LIMCH1: variants seen among roughly 807,000 people sequenced by gnomAD.
The protein encoded by LIMCH1 is LIM and calponin homology domains-containing protein 1.
A neutral mutation model predicts 176.5 loss-of-function variants in LIMCH1; 113 were observed. That is an observed-to-expected ratio of 0.64 (90% confidence interval 0.55 to 0.75). The LOEUF is 0.75. Ranked by LOEUF, LIMCH1 falls within the 30% of genes least tolerant of loss-of-function variation. LIMCH1 has a pLI of 0.00. For missense variants in LIMCH1, 1,674 were observed against 1,814.9 expected (o/e 0.92, Z 1.41); for synonymous variants, 619 against 645.9 (o/e 0.96, Z 0.63).
At chr4:41,543,734 T>C (rs2078985253) in intron 1 of LIMCH1, among the ~76,000 whole-genome samples, 1 of 152,130 alleles carries the variant, frequency 6.6e-6, no homozygotes, top group South Asian at 2.1e-4. Context: ...CTTGGCCAGG[T>C]TTCTGTTAAA....
chr4:41,662,761 T>G (rs2094670858), intron 19 of LIMCH1, 60 bp from the exon 20 acceptor site: 3 of 1,566,820 alleles, frequency 1.9e-6, no homozygotes, highest in Non-Finnish European at 2.6e-6. Flanking sequence ...GAATAAATGG[T>G]CCTATAGATA....
At chr4:41,477,792 A>G (rs917637487) in intron 1 of LIMCH1, among the ~76,000 whole-genome samples, 1 of 152,214 alleles carries the variant, frequency 6.6e-6, no homozygotes, top group African/African-American at 2.4e-5. Flanking sequence ...AGAGCCATTC[A>G]AATAACAAAC....
intron 1 of LIMCH1, among the ~76,000 whole-genome samples, chr4:41,426,231 C>T (rs1249213860): frequency 3.3e-5 from 5 of 151,558 alleles, no homozygotes; most frequent in African/African-American, 4.8e-5. Context: ...CCGTTTTAGC[C>T]GGGATGGTCT....
chr4:41,665,225 C>T (rs753675629), intron 20 of LIMCH1, among the ~76,000 whole-genome samples: 2 of 152,082 alleles, frequency 1.3e-5, no homozygotes, highest in Non-Finnish European at 2.9e-5. Context: ...ACAGGCTTAC[C>T]TTTTTACATA....
intron 4 of LIMCH1, chr4:41,609,716 C>T: frequency 2.2e-6 from 1 of 452,384 alleles, no homozygotes; most frequent in Non-Finnish European, 4.4e-6. Flanking sequence ...CATTAACATA[C>T]TTTAACTAGA....
At chr4:41,686,787 T>G (rs1721124960) in intron 28 of LIMCH1, among the ~76,000 whole-genome samples, 1 of 152,224 alleles carries the variant, frequency 6.6e-6, no homozygotes, top group Non-Finnish European at 1.5e-5. Flanking sequence ...GTCTTATTTT[T>G]CTTGTTACAT....
chr4:41,628,306 T>C (rs2093101862), intron 8 of LIMCH1, among the ~76,000 whole-genome samples: 1 of 152,092 alleles, frequency 6.6e-6, no homozygotes, highest in African/African-American at 2.4e-5. Context: ...TAATTTTAAT[T>C]CCTGATATTT....
chr4:41,370,281 G>A (rs1310232515), intron 1 of LIMCH1, among the ~76,000 whole-genome samples: 1 of 152,058 alleles, frequency 6.6e-6, no homozygotes, highest in Non-Finnish European at 1.5e-5. Context: ...CTTAGGATGA[G>A]GGAAAGATAG....
intron 25 of LIMCH1, among the ~76,000 whole-genome samples, chr4:41,682,024 A>C (rs1716406544): frequency 6.6e-6 from 1 of 152,212 alleles, no homozygotes; most frequent in Admixed American, 6.5e-5. Context: ...TCCATAATCC[A>C]CGTAAAGGAA....
rs996528630 is a variant in LIMCH1, at chr4:41,620,518, G to A, written c.553G>A (p.Asp185Asn). The A allele has an allele frequency of 2.4e-5, 37 of 1,536,446 alleles. No individual in the cohort carries two copies. Among genetic ancestry groups the A allele is most frequent in the Admixed American group, 3.9e-5 (2 of 51,008 alleles). ...GQMNPGWKPSDGGCELPDGSG... is the reference protein window; with the variant it reads ...GQMNPGWKPSNGGCELPDGSG... ...AATGAATCCTGGTTGGAAGCCTTCC[G>A]ATGGTGGGTGTGAATTACCTGACGG... The change falls in exon 7 of 32, where the codon GAT becomes AAT. Residue 185 changes from aspartate to asparagine, a missense_variant. Asp to Asn is a conservative substitution (Grantham distance 23, BLOSUM62 1). This residue lies in a region of LIMCH1 where 655 missense variants were observed against 692.2 expected (regional missense o/e 0.95). Coordinates refer to ENST00000503057, the MANE Select transcript of LIMCH1 (RefSeq NM_001330672.2).
In LIMCH1 at chr4:41,689,539, A is replaced by G; in HGVS notation, c.4179A>G (p.Gly1393=). Residue 1393 remains glycine (G), a synonymous_variant, in exon 30 of 32, where the codon GGA becomes GGG. Coordinates refer to ENST00000503057, the MANE Select transcript of LIMCH1 (RefSeq NM_001330672.2). ...PGQSPNRSIS[G]KKLCSSCGLP... is the part of the protein sequence containing the mutation. Reference sequence around the variant, plus strand: ...TTTTTAAACCTAGGTCTATAAGTGGAAAGAAGCTGTGCTCTTCCTGTGGGC... The same window carrying G: ...TTTTTAAACCTAGGTCTATAAGTGGGAAGAAGCTGTGCTCTTCCTGTGGGC... The G allele has an allele frequency of 1.2e-6, 2 of 1,603,110 alleles. No homozygotes were observed. Among genetic ancestry groups the G allele is most frequent in the Non-Finnish European group, 1.7e-6 (2 of 1,170,160 alleles).
At chr4:41,533,806 A>G (rs564339632), upstream of LIMCH1, among the ~76,000 whole-genome samples, 9 of 152,336 alleles carry the variant, frequency 5.9e-5, no homozygotes, top group South Asian at 1.9e-3. Flanking sequence ...AGTGAAGATC[A>G]TGGAGTTAGA....
At chr4:41,511,219 G>C (rs529754221) in intron 2 of LIMCH1, among the ~76,000 whole-genome samples, 49 of 152,298 alleles carry the variant, frequency 3.2e-4, no homozygotes, top group Non-Finnish European at 6.3e-4. Context: ...ATCTATTATT[G>C]TTCCTACAAT....
In LIMCH1 at chr4:41,575,044, C is replaced by CCACA. The variant is rs142796280; in HGVS notation, c.-240-23863_-240-23860dup. Reference sequence around the variant, plus strand: ...CTCCCAATTATGTGAAATCACACACCCACACACACACACACAATTTATTGA... The same window carrying CCACA: ...CTCCCAATTATGTGAAATCACACACCCACACACACACACACACACAATTTATTGA... On this transcript the variant is annotated intron_variant, in intron 1 of 31. Transcript: ENST00000503057. Among the ~76,000 whole-genome samples, 467 of 151,012 alleles carry CCACA rather than the reference C, an allele frequency of 3.1e-3. 6 individuals carry two copies. The South Asian group carries it at 0.035, about 11-fold the overall frequency.
At position 41,377,223 on chromosome 4, in the gene LIMCH1, C is replaced by T. The variant is rs150890742; in HGVS notation, c.96+16287C>T. On this transcript the variant is annotated intron_variant, in intron 1 of 26. Transcript: ENST00000313860. ...TTGGCTCAAGGCTGTGGGTTACGTT[C>T]AAGTCTGTTTCATGTGTCTCCTTTC... is the stretch of plus-strand genomic sequence containing the variant. Among the ~76,000 whole-genome samples, 31 of 152,292 alleles carry T rather than the reference C, an allele frequency of 2.0e-4. No homozygotes were observed. In the East Asian group the frequency reaches 5.0e-3, roughly 25 times the overall value.
chr4:41,440,788 C>T (rs2062623015), intron 1 of LIMCH1, among the ~76,000 whole-genome samples: 1 of 152,186 alleles, frequency 6.6e-6, no homozygotes, highest in Non-Finnish European at 1.5e-5. Flanking sequence ...CTGCCTCTGC[C>T]TCTCCAAAGT....
upstream of LIMCH1, among the ~76,000 whole-genome samples, chr4:41,536,576 T>C (rs2077972237): frequency 6.6e-6 from 1 of 152,224 alleles, no homozygotes. Flanking sequence ...TAATGTTATA[T>C]AGGAATGGTA....
chr4:41,574,374 A>G (rs1437695901), intron 1 of LIMCH1, among the ~76,000 whole-genome samples: 1 of 149,722 alleles, frequency 6.7e-6, no homozygotes, highest in Non-Finnish European at 1.5e-5. Context: ...GCTCACTGCA[A>G]GCTCCACCTC....
At chr4:41,399,872 TG>T (rs2058214649) in intron 1 of LIMCH1, among the ~76,000 whole-genome samples, 2 of 143,394 alleles carry the variant, frequency 1.4e-5, no homozygotes, top group South Asian at 2.3e-4. Context: ...TTAGTAGAGA[TG>T]GGGTTTCACC....
Sources: gnomAD v4.1 joint callset for allele counts (sites outside exome capture counted in the v4.1 genomes callset) on GRCh38, gnomAD v4.1.1 for gene constraint, gnomAD v4.1.1 regional missense constraint, MANE v1.5 for transcripts, NCBI Gene and HGNC (gene_info 2026-07-23, HGNC 2026-07-21) for gene names.